The following FRMD4A variants were observed in gnomAD, a reference collection of about 807,000 sequenced individuals.
FRMD4A encodes the protein FERM domain containing 4A.
FRMD4A carries 29 observed loss-of-function variants against 129.1 expected under a neutral mutation model. The observed-to-expected ratio is 0.22, with a 90% CI of 0.17 to 0.31. FRMD4A has a LOEUF of 0.31. Among genes scored for constraint, FRMD4A ranks in the 10% least tolerant of loss-of-function variants. The probability of loss-of-function intolerance (pLI) is 1.00; values close to 1 mark genes in which losing one functional copy is unlikely to be tolerated. For synonymous variants in FRMD4A, 634 were observed against 571.6 expected, an observed-to-expected ratio of 1.11 and a Z score of -1.56; for missense variants, 1,272 against 1,375.8, an observed-to-expected ratio of 0.92 and a Z score of 1.19.
rs989947987 is a variant in FRMD4A, at chr10:14,129,826, C to G, written c.45+200232G>C. On this transcript the variant is annotated intron_variant, in intron 2 of 24. Coordinates refer to ENST00000357447, the MANE Select transcript of FRMD4A (RefSeq NM_018027.5). ...TAATTAACACTCAACAATGAGAAGT[C>G]AGTGGTTGATATTTGAAACTGGCAA... 5.3e-5 allele frequency among the ~76,000 whole-genome samples: 8 copies of G among 152,130 alleles called. No homozygotes were observed. The East Asian group carries it at 5.8e-4, about 11-fold the overall frequency.
At chr10:13,654,994 G>T (rs994140113) in intron 22 of FRMD4A, 1 of 161,812 alleles carries the variant, frequency 6.2e-6, no homozygotes, top group Non-Finnish European at 1.4e-5. Flanking sequence ...CATCCAGAAA[G>T]GTTCTCAGAG....
chr10:13,670,343 C>A (rs2083414112), intron 17 of FRMD4A, 63 bp downstream of exon 17: 5 of 1,559,444 alleles, frequency 3.2e-6, no homozygotes, highest in Non-Finnish European at 4.4e-6. Context: ...ACCTGGAAGG[C>A]CTGACCAATG....
At chr10:14,299,729 C>G (rs1460813663) in intron 2 of FRMD4A, among the ~76,000 whole-genome samples, 1 of 152,134 alleles carries the variant, frequency 6.6e-6, no homozygotes, top group Admixed American at 6.5e-5. Flanking sequence ...CATCAACTAC[C>G]AGAAAGGAGC....
intron 13 of FRMD4A, among the ~76,000 whole-genome samples, chr10:13,703,553 C>T (rs7916531): frequency 0.94 from 143,652 of 152,202 alleles, 68,170 homozygotes; most frequent in Non-Finnish European, 1. Flanking sequence ...GTTGCCCATC[C>T]TATTACTGCA....
At chr10:13,815,589 A>G (rs923694694) in intron 3 of FRMD4A, among the ~76,000 whole-genome samples, 3 of 152,020 alleles carry the variant, frequency 2.0e-5, no homozygotes, top group Non-Finnish European at 4.4e-5. Flanking sequence ...AAAAAGGAAA[A>G]AGGGGGAAAG....
At chr10:14,100,646 A>G (rs185083811) in intron 2 of FRMD4A, among the ~76,000 whole-genome samples, 7 of 152,250 alleles carry the variant, frequency 4.6e-5, no homozygotes, top group African/African-American at 1.7e-4. Context: ...GAGAAAAGCC[A>G]ATCTGTTCAA....
chr10:14,317,044 T>C (rs1246354875), intron 2 of FRMD4A, among the ~76,000 whole-genome samples: 1 of 152,224 alleles, frequency 6.6e-6, no homozygotes, highest in Non-Finnish European at 1.5e-5. Context: ...GACTTTAATA[T>C]CTCCTTGTTC....
intron 2 of FRMD4A, among the ~76,000 whole-genome samples, chr10:13,940,597 G>A (rs1244227589): frequency 6.6e-6 from 1 of 152,156 alleles, no homozygotes; most frequent in Non-Finnish European, 1.5e-5. Context: ...CTATGAGCCT[G>A]CAACAGGAAT....
At chr10:13,921,435 T>C (rs1341569060) in intron 2 of FRMD4A, among the ~76,000 whole-genome samples, 1 of 152,060 alleles carries the variant, frequency 6.6e-6, no homozygotes, top group African/African-American at 2.4e-5. Context: ...CTAATTTTTG[T>C]ATTTTTGTAG....
At chr10:14,214,233 C>T (rs1037319840) in intron 2 of FRMD4A, among the ~76,000 whole-genome samples, 2 of 152,190 alleles carry the variant, frequency 1.3e-5, no homozygotes, top group Non-Finnish European at 2.9e-5. Flanking sequence ...TTGGAAATGA[C>T]ACCTCCTAGA....
At chr10:14,146,513 C>T (rs1314551644) in intron 2 of FRMD4A, among the ~76,000 whole-genome samples, 1 of 152,180 alleles carries the variant, frequency 6.6e-6, no homozygotes, top group East Asian at 1.9e-4. Flanking sequence ...TGTTGATCCC[C>T]ATCCTGGCTA....
chr10:13,833,685 G>C (rs2093825725), intron 3 of FRMD4A, among the ~76,000 whole-genome samples: 1 of 152,046 alleles, frequency 6.6e-6, no homozygotes, highest in African/African-American at 2.4e-5. Context: ...TTCTAACAGA[G>C]AAAGCCCTTA....
intron 2 of FRMD4A, among the ~76,000 whole-genome samples, chr10:14,157,845 C>T (rs1229373414): frequency 6.6e-6 from 1 of 151,762 alleles, no homozygotes; most frequent in African/African-American, 2.4e-5. Flanking sequence ...AAGAGAAGAC[C>T]CTAAGTCTTA....
intron 2 of FRMD4A, among the ~76,000 whole-genome samples, chr10:13,921,589 C>G (rs954939526): frequency 1.3e-4 from 20 of 152,118 alleles, no homozygotes; most frequent in African/African-American, 4.8e-4. Context: ...GGTACTAATA[C>G]CATTCATGAG....
At chr10:13,781,817 G>T (rs1402086452) in intron 6 of FRMD4A, among the ~76,000 whole-genome samples, 1 of 65,616 alleles carries the variant, frequency 1.5e-5, no homozygotes, top group Non-Finnish European at 2.6e-5. Flanking sequence ...CAGTGGCTGA[G>T]GAAAACGGGG....
At chr10:14,322,513 C>T (rs1589312479) in intron 2 of FRMD4A, among the ~76,000 whole-genome samples, 1 of 152,136 alleles carries the variant, frequency 6.6e-6, no homozygotes, top group Admixed American at 6.5e-5. Flanking sequence ...GAGCCATTAG[C>T]GTACAGATGA....
intron 2 of FRMD4A, among the ~76,000 whole-genome samples, chr10:13,861,726 T>C (rs1047710413): frequency 1.3e-5 from 2 of 152,214 alleles, no homozygotes; most frequent in African/African-American, 4.8e-5. Context: ...AGTGGGAAAA[T>C]GGGCTCAAGT....
intron 2 of FRMD4A, among the ~76,000 whole-genome samples, chr10:14,066,052 G>A (rs1228277628): frequency 7.4e-6 from 1 of 134,374 alleles, no homozygotes; most frequent in African/African-American, 2.6e-5. Context: ...GTCGGTAGGG[G>A]GAGTGGGATG....
At chr10:14,263,002 G>A (rs1323905531) in intron 2 of FRMD4A, among the ~76,000 whole-genome samples, 1 of 152,184 alleles carries the variant, frequency 6.6e-6, no homozygotes, top group Non-Finnish European at 1.5e-5. Flanking sequence ...CAGGCGAGAG[G>A]GGGAAATACA....
Sources: allele counts gnomAD v4.1 joint callset (sites outside exome capture counted in the v4.1 genomes callset), GRCh38; gene constraint gnomAD v4.1.1; transcripts MANE v1.5; gene names NCBI Gene and HGNC (gene_info 2026-07-23, HGNC 2026-07-21).